TUBGCP3: variants seen among roughly 807,000 people sequenced by gnomAD.
TUBGCP3 encodes the protein gamma-tubulin complex component 3.
A neutral mutation model predicts 123.1 loss-of-function variants in TUBGCP3; 50 were observed. The ratio of observed to expected loss-of-function variants is 0.41; its 90% CI spans 0.32 to 0.51. TUBGCP3 has a LOEUF of 0.51. Among genes scored for constraint, TUBGCP3 ranks in the 20% least tolerant of loss-of-function variants. The pLI, the probability that TUBGCP3 is intolerant of heterozygous loss-of-function variation, is 0.36. For synonymous variants in TUBGCP3, 405 were observed against 413.9 expected, an observed-to-expected ratio of 0.98 and a Z score of 0.26; for missense variants, 882 against 1,127.0, an observed-to-expected ratio of 0.78 and a Z score of 3.11.
chr13:112,568,154 G>C (rs1881111532), intron 2 of TUBGCP3, among the ~76,000 whole-genome samples: 1 of 150,690 alleles, frequency 6.6e-6, no homozygotes, highest in African/African-American at 2.4e-5. Context: ...AAGCCAAATG[G>C]ACTTCTAGAA....
rs764279478 is a variant in TUBGCP3 at position 112,504,726 on chromosome 13, G to C, written c.2087-12C>G. The C allele has an allele frequency of 8.0e-5, 129 of 1,611,746 alleles. 3 individuals carry two copies. The South Asian group carries it at 1.4e-3, about 17-fold the overall frequency. On this transcript the variant is annotated splice_polypyrimidine_tract_variant and intron_variant, in intron 17 of 21. Transcript: ENST00000261965. ...CACCCCGGAGAACTCTGCAAGGGAA[G>C]AGTTGACGTCAGAGGTGCAATGCAA... is the stretch of plus-strand genomic sequence containing the variant.
intron 20 of TUBGCP3, among the ~76,000 whole-genome samples, chr13:112,493,598 T>G (rs1484357467): frequency 6.7e-6 from 1 of 149,964 alleles, no homozygotes; most frequent in African/African-American, 2.5e-5. Context: ...CATGGCCTGG[T>G]GTGCCTGAGA....
chr13:112,599,821 C>T, the TUBGCP3 span, among the ~76,000 whole-genome samples: 18 of 152,104 alleles, frequency 1.2e-4, no homozygotes, highest in Non-Finnish European at 2.5e-4. Context: ...GCCCAGCCTA[C>T]ACCTTATGTT....
chr13:112,604,827 C>T, the TUBGCP3 span: 8 of 152,156 alleles, frequency 5.3e-5, no homozygotes, highest in African/African-American at 1.9e-4. Flanking sequence ...CACTCAATAT[C>T]ATATCTCATA....
intron 1 of TUBGCP3, among the ~76,000 whole-genome samples, chr13:112,578,238 C>T (rs1881989847): frequency 6.6e-6 from 1 of 152,066 alleles, no homozygotes; most frequent in South Asian, 2.1e-4. Flanking sequence ...CCTTGCTCTC[C>T]CAGGATCGAT....
At chr13:112,497,411 A>G (rs1463078143) in intron 20 of TUBGCP3, among the ~76,000 whole-genome samples, 1 of 152,230 alleles carries the variant, frequency 6.6e-6, no homozygotes, top group East Asian at 1.9e-4. Flanking sequence ...ATGTTTCCAA[A>G]AAATACCAAA....
intron 3 of TUBGCP3, among the ~76,000 whole-genome samples, chr13:112,563,630 G>A (rs751464253): frequency 2.7e-5 from 4 of 150,854 alleles, no homozygotes; most frequent in African/African-American, 4.9e-5. Context: ...TTGGGAGGCC[G>A]AGACGGACAG....
chr13:112,574,668 C>A (rs1324163165), intron 1 of TUBGCP3, among the ~76,000 whole-genome samples: 2 of 152,244 alleles, frequency 1.3e-5, no homozygotes, highest in Non-Finnish European at 2.9e-5. Context: ...CACTCCACTA[C>A]TGATGACAAT....
rs1260624008 is a variant in TUBGCP3, at chr13:112,519,106, C to T, written c.1882-63G>A. Reference sequence around the variant, plus strand: ...AGCTTCTTGCTGAAGAACTTGTTAACGCAAAGAAAAAGCAGTAAAATAATG... The same window carrying T: ...AGCTTCTTGCTGAAGAACTTGTTAATGCAAAGAAAAAGCAGTAAAATAATG... On this transcript the variant is annotated intron_variant, in intron 15 of 21. Transcript: ENST00000261965. The surrounding 1 kb of genome is among the most constrained non-coding windows in gnomAD (Gnocchi z 6.2). 34 of 1,379,996 alleles carry T rather than the reference C, an allele frequency of 2.5e-5. No homozygotes were observed. Among genetic ancestry groups the T allele is most frequent in the East Asian group, 4.6e-5 (2 of 43,696 alleles). The allele number at this position is 1,379,996 out of a possible 1,614,324, so 85.5% of individuals were successfully genotyped here.
At chr13:112,498,656 T>C (rs1481463169) in intron 20 of TUBGCP3, among the ~76,000 whole-genome samples, 1 of 152,258 alleles carries the variant, frequency 6.6e-6, no homozygotes, top group Non-Finnish European at 1.5e-5. Flanking sequence ...GAGGAGCACC[T>C]GTAGATGCAC....
intron 8 of TUBGCP3, among the ~76,000 whole-genome samples, chr13:112,550,510 G>A (rs1368397942): frequency 1.3e-5 from 2 of 152,286 alleles, no homozygotes; most frequent in Admixed American, 1.3e-4. Flanking sequence ...CAGACCAGGG[G>A]GTAAAAATCC....
At position 112,562,564 on chromosome 13, in the gene TUBGCP3, G is replaced by A. The variant is rs144380657; in HGVS notation, c.252+2547C>T. 5.2e-3 allele frequency among the ~76,000 whole-genome samples: 799 copies of A among 152,264 alleles called. 6 individuals carry two copies. The highest frequency in any genetic ancestry group is 5.6e-3 in the Non-Finnish European group (379 of 68,012). On this transcript the variant is annotated intron_variant, in intron 3 of 21. Coordinates refer to ENST00000261965, the MANE Select transcript of TUBGCP3 (RefSeq NM_006322.6). ...AAGCCAGCTCCAGCTGAAGCCAACC[G>A]GGAGACACACAGCGAGAGGCCAGGA...
In TUBGCP3 at chr13:112,558,348, G is replaced by A. The variant is rs1880227110; in HGVS notation, c.396C>T (p.Tyr132=). The part of the protein sequence containing the change: ...LPRDAHSTPY[Y]YARPQTLPLS... The stretch of plus-strand genomic sequence containing the variant: ...GGGGAAGGGTCTGAGGCCTGGCATA[G>A]TAGTAAGGGGTTGAGTGGGCATCTC... The change falls in exon 5 of 22, where the codon TAC becomes TAT. Residue 132 remains tyrosine (Y), a synonymous_variant. Transcript: ENST00000261965. The A allele has an allele frequency of 1.9e-6, 3 of 1,610,798 alleles. No homozygotes were observed. Among genetic ancestry groups the A allele is most frequent in the African/African-American group, 1.3e-5 (1 of 75,006 alleles).
chr13:112,584,564 T>C (rs1882483597), intron 1 of TUBGCP3, among the ~76,000 whole-genome samples: 1 of 152,206 alleles, frequency 6.6e-6, no homozygotes, highest in African/African-American at 2.4e-5. Flanking sequence ...TGGTACTGAA[T>C]CACCAAAACA....
chr13:112,535,018 T>C (rs1031999386), intron 11 of TUBGCP3, among the ~76,000 whole-genome samples: 1 of 152,322 alleles, frequency 6.6e-6, no homozygotes, highest in South Asian at 2.1e-4. Flanking sequence ...TCTGGACATT[T>C]CATACGAATG....
chr13:112,519,044 C>T lies in TUBGCP3; in HGVS notation c.1882-1G>A. ...CCCATCCAGTGTCACCTGGAGAGACCTAACAACAGAAACAAACACATAATT... is the reference window on the plus strand; with the variant it reads ...CCCATCCAGTGTCACCTGGAGAGACTTAACAACAGAAACAAACACATAATT... On this transcript the variant is annotated splice_acceptor_variant, in intron 15 of 21. Transcript: ENST00000261965. LOFTEE classifies it high-confidence loss of function. The surrounding 1 kb of genome is among the most constrained non-coding windows in gnomAD (Gnocchi z 6.2). The T allele has an allele frequency of 6.2e-7, 1 of 1,613,062 alleles. No individual in the cohort carries two copies. The highest frequency in any genetic ancestry group is 8.5e-7 in the Non-Finnish European group (1 of 1,179,060).
intron 19 of TUBGCP3, 30 bp from the exon 20 acceptor site, chr13:112,499,215 G>C (rs1315038406): frequency 1.3e-6 from 2 of 1,573,862 alleles, no homozygotes; most frequent in South Asian, 1.2e-5. Context: ...TTTATGAATA[G>C]AGCCTCAACC....
At chr13:112,553,556 C>T (rs1017606937) in intron 8 of TUBGCP3, among the ~76,000 whole-genome samples, 4 of 152,360 alleles carry the variant, frequency 2.6e-5, no homozygotes, top group African/African-American at 4.8e-5. Flanking sequence ...CCCAACCATG[C>T]ACTGTGCCAT....
the TUBGCP3 span, chr13:112,604,886 T>C: frequency 7.2e-5 from 11 of 152,258 alleles, no homozygotes; most frequent in Non-Finnish European, 1.3e-4. Flanking sequence ...GAGGGCCTCC[T>C]AATACCCCAT....
Sources: gnomAD v4.1 joint callset for allele counts (sites outside exome capture counted in the v4.1 genomes callset) on GRCh38, gnomAD v4.1.1 for gene constraint, Gnocchi (gnomAD v3.1) non-coding constraint, MANE v1.5 for transcripts, NCBI Gene and HGNC (gene_info 2026-07-23, HGNC 2026-07-21) for gene names.